GRIK5: variants seen among roughly 807,000 people sequenced by gnomAD.
GRIK5 encodes the protein glutamate ionotropic receptor kainate type subunit 5.
GRIK5 carries 43 observed loss-of-function variants against 97.4 expected under a neutral mutation model. That is an observed-to-expected ratio of 0.44 (90% confidence interval 0.35 to 0.57). The LOEUF (loss-of-function observed/expected upper bound fraction) is 0.57. GRIK5 is among the 20% of genes least tolerant of loss of function. The probability of loss-of-function intolerance (pLI) is 0.01; values close to 1 mark genes in which losing one functional copy is unlikely to be tolerated. For missense variants in GRIK5, 1,015 were observed against 1,382.0 expected, an observed-to-expected ratio of 0.73 and a Z score of 4.21; for synonymous variants, 580 against 583.5, an observed-to-expected ratio of 0.99 and a Z score of 0.09.
intron 12 of GRIK5, among the ~76,000 whole-genome samples, chr19:42,033,956 T>TA (rs1364552361): frequency 1.3e-5 from 2 of 152,170 alleles, no homozygotes; most frequent in Non-Finnish European, 2.9e-5. Flanking sequence ...GCCGTGGTCG[T>TA]GCCACTGCAC....
At chr19:42,000,591 A>C (rs1357050636) in intron 19 of GRIK5, among the ~76,000 whole-genome samples, 1 of 152,206 alleles carries the variant, frequency 6.6e-6, no homozygotes, top group Non-Finnish European at 1.5e-5. Flanking sequence ...GTGGAGCTGA[A>C]GTTGCAGACC....
intron 15 of GRIK5, among the ~76,000 whole-genome samples, chr19:42,019,305 G>C (rs968667957): frequency 1.3e-5 from 2 of 152,172 alleles, no homozygotes; most frequent in Non-Finnish European, 2.9e-5. Flanking sequence ...TGGCATGGAC[G>C]ACTCTGTTTC....
In GRIK5 at chr19:41,999,035, A is replaced by AGGGGGT; in HGVS notation, c.2773_2778dup (p.Thr925_Pro926dup). 1.4e-6 allele frequency: 1 copy of AGGGGGT among 693,730 alleles called. No homozygotes were observed. Among genetic ancestry groups the AGGGGGT allele is most frequent in the South Asian group, 4.5e-5 (1 of 22,416 alleles). 43.0% of individuals were successfully genotyped at this position (693,730 alleles called of 1,614,324 possible). A position where few individuals can be genotyped will look rare whatever the true frequency, so the allele number is the denominator to read the frequency against. ...TCCTGGCAGACGCGCACGTGGGTGC[A>AGGGGGT]GGGGGTGGGGGCGGCGGGTCGGGCT... On this transcript the variant is annotated inframe_insertion, in exon 20 of 20. Coordinates refer to ENST00000593562, the MANE Select transcript of GRIK5 (RefSeq NM_002088.5). This position sits in a 1 kb window ranked among gnomAD's most constrained non-coding sequence, Gnocchi z 5.0.
rs767951098 is a variant in GRIK5 at position 42,062,685 on chromosome 19, T to A, written c.343-32A>T. On this transcript the variant is annotated intron_variant, in intron 4 of 19. Coordinates refer to ENST00000593562, the MANE Select transcript of GRIK5 (RefSeq NM_002088.5). This position sits in a 1 kb window ranked among gnomAD's most constrained non-coding sequence, Gnocchi z 5.3. ...AGAGAGGAAACTTTGGCCTCCATCC[T>A]GCTTCTCCGCCCAGCCCTCGCCTCC... 6.2e-7 allele frequency: 1 copy of A among 1,613,668 alleles called. No homozygotes were observed. The highest frequency in any genetic ancestry group is 8.5e-7 in the Non-Finnish European group (1 of 1,179,676).
intron 11 of GRIK5, among the ~76,000 whole-genome samples, chr19:42,050,515 G>A (rs919441345): frequency 3.1e-4 from 47 of 152,040 alleles, no homozygotes; most frequent in East Asian, 1.2e-3. Context: ...AAAAAAAGCC[G>A]GGTGTGGTGA....
intron 11 of GRIK5, among the ~76,000 whole-genome samples, chr19:42,050,589 C>T (rs190660335): frequency 0.012 from 1,709 of 147,684 alleles, 32 homozygotes; most frequent in Non-Finnish European, 0.014. Flanking sequence ...ACCCAGGAGG[C>T]GGAGCTTGCA....
chr19:42,019,016 G>A (rs1168604968), intron 15 of GRIK5, among the ~76,000 whole-genome samples: 1 of 152,228 alleles, frequency 6.6e-6, no homozygotes, highest in Non-Finnish European at 1.5e-5. Context: ...GTGGGCCCCA[G>A]GGCCAAAGGC....
rs929952847 is a variant in GRIK5, at chr19:42,069,856, A to T, written c.-666T>A. ...GGAAAAGCATGCTGGGGGCGGGGAG[A>T]GCCCGGGAGTGGAGAGCTGGGGAGG... On this transcript the variant is annotated 5_prime_UTR_variant, in exon 1 of 20. Transcript: ENST00000593562. Among the ~76,000 whole-genome samples, 1 of 151,696 alleles carries T rather than the reference A, an allele frequency of 6.6e-6. No individual in the cohort carries two copies. The highest frequency in any genetic ancestry group is 2.4e-5 in the African/African-American group (1 of 41,254).
chr19:42,002,908 G>C lies in GRIK5; in HGVS notation c.2514+424C>G, dbSNP rs1446684136. ...GCACCACCATGCCCGGCTAATTTTT[G>C]TATTTTTAGTAGAGATGGGGTTTCA... On this transcript the variant is annotated intron_variant, in intron 19 of 19. Transcript: ENST00000593562. This position sits in a 1 kb window ranked among gnomAD's most constrained non-coding sequence, Gnocchi z 5.2. Among the ~76,000 whole-genome samples, 2 of 152,076 alleles carry C rather than the reference G, an allele frequency of 1.3e-5. No individual in the cohort carries two copies. Among genetic ancestry groups the C allele is most frequent in the African/African-American group, 2.4e-5 (1 of 41,386 alleles).
chr19:42,000,791 G>A (rs1388445868), intron 19 of GRIK5, among the ~76,000 whole-genome samples: 1 of 152,220 alleles, frequency 6.6e-6, no homozygotes, highest in Admixed American at 6.5e-5. Flanking sequence ...CGCCCTGGGG[G>A]ATCTCAGCTG....
At chr19:42,027,337 CAGG>C (rs972531742) in intron 12 of GRIK5, among the ~76,000 whole-genome samples, 1 of 152,162 alleles carries the variant, frequency 6.6e-6, no homozygotes, top group African/African-American at 2.4e-5. Context: ...ACAGAAAAGG[CAGG>C]AGAAGACCTA....
In GRIK5 at chr19:42,036,081, CAG is replaced by C. The variant is rs1317695925; in HGVS notation, c.1473+6469_1473+6470del. ...TATTTATTTATTTTTATTTTTGAGA[CAG>C]AGTCTCACTCTTGTCGCCCAGGCTG... On this transcript the variant is annotated intron_variant, in intron 12 of 19. Transcript: ENST00000593562. Among the ~76,000 whole-genome samples, 4 of 152,092 alleles carry C rather than the reference CAG, an allele frequency of 2.6e-5. No homozygotes were observed. The East Asian group carries it at 7.7e-4, about 29-fold the overall frequency.
intron 11 of GRIK5, among the ~76,000 whole-genome samples, chr19:42,047,672 GA>G (rs906758475): frequency 3.3e-5 from 5 of 151,860 alleles, no homozygotes; most frequent in Admixed American, 6.6e-5. Flanking sequence ...TACCCATATG[GA>G]AAAAAATGTA....
At position 42,069,994 on chromosome 19, in the gene GRIK5, G is replaced by A. The variant is rs980931399; in HGVS notation, c.-804C>T. 3.3e-5 allele frequency among the ~76,000 whole-genome samples: 5 copies of A among 152,108 alleles called. No individual in the cohort carries two copies. Among genetic ancestry groups the A allele is most frequent in the African/African-American group, 9.7e-5 (4 of 41,420 alleles). Reference sequence around the variant, plus strand: ...AGGTGGAAGAGAAAGGCGGAGGAGGGTGGGGTGTCCCAGGGGCTCCCGGTG... The same window carrying A: ...AGGTGGAAGAGAAAGGCGGAGGAGGATGGGGTGTCCCAGGGGCTCCCGGTG... On this transcript the variant is annotated 5_prime_UTR_variant, in exon 1 of 20. Coordinates refer to ENST00000593562, the MANE Select transcript of GRIK5 (RefSeq NM_002088.5).
rs1341403361 is a variant in GRIK5, at chr19:42,006,377, G to A, written c.2037+268C>T. The stretch of plus-strand genomic sequence containing the variant: ...TCTGTCAGCCCATATTCCTGGTCCC[G>A]ACCCTTCCAGCAGCCTCCTTGATCC... On this transcript the variant is annotated intron_variant, in intron 16 of 19. Transcript: ENST00000593562. This position sits in a 1 kb window ranked among gnomAD's most constrained non-coding sequence, Gnocchi z 5.3. Among the ~76,000 whole-genome samples the A allele has an allele frequency of 1.1e-4, 17 of 152,128 alleles. No homozygotes were observed. Among genetic ancestry groups the A allele is most frequent in the South Asian group, 8.3e-4 (4 of 4,814 alleles).
chr19:42,035,493 G>A (rs900593622), intron 12 of GRIK5, among the ~76,000 whole-genome samples: 24 of 152,006 alleles, frequency 1.6e-4, no homozygotes, highest in Non-Finnish European at 1.0e-4. Flanking sequence ...GATCACCTGA[G>A]GTCAGGAGTC....
At chr19:42,029,346 G>A (rs1048717239) in intron 12 of GRIK5, among the ~76,000 whole-genome samples, 19 of 151,850 alleles carry the variant, frequency 1.3e-4, no homozygotes, top group African/African-American at 4.6e-4. Flanking sequence ...GATTACAGGC[G>A]TGAGCCACCG....
At chr19:42,054,251 G>T in intron 9 of GRIK5, 69 bp downstream of exon 9, 1 of 1,517,874 alleles carries the variant, frequency 6.6e-7, no homozygotes, top group Non-Finnish European at 8.9e-7. Flanking sequence ...CCACAGGGTG[G>T]TCACAGTGAG....
rs375421132 is a variant in GRIK5 at position 42,037,453 on chromosome 19, T to C, written c.1473+5099A>G. Reference sequence around the variant, plus strand: ...CAGCCTGGGCGACAGAGTGAGACTCTGCCTCAAAAAGAAAAACAAAAACAA... The same window carrying C: ...CAGCCTGGGCGACAGAGTGAGACTCCGCCTCAAAAAGAAAAACAAAAACAA... On this transcript the variant is annotated intron_variant, in intron 12 of 19. Transcript: ENST00000593562. Among the ~76,000 whole-genome samples, 261 of 152,210 alleles carry C rather than the reference T, an allele frequency of 1.7e-3. 12 individuals carry two copies. The South Asian group carries it at 0.052, about 30-fold the overall frequency.
Sources: allele counts gnomAD v4.1 joint callset (sites outside exome capture counted in the v4.1 genomes callset), GRCh38; gene constraint gnomAD v4.1.1; non-coding constraint Gnocchi (gnomAD v3.1); transcripts MANE v1.5; gene names NCBI Gene and HGNC (gene_info 2026-07-23, HGNC 2026-07-21).